Variants in KCNG2 observed in about 807,000 individuals in gnomAD.
KCNG2 encodes the protein voltage-gated potassium channel regulatory subunit KCNG2.
KCNG2 carries 7 observed loss-of-function variants against 12.3 expected under a neutral mutation model. The observed-to-expected ratio is 0.57, with a 90% CI of 0.32 to 1.07. The LOEUF is 1.07. Among genes scored for constraint, KCNG2 ranks in the 50% least tolerant of loss-of-function variants. The pLI is 0.04. For synonymous variants in KCNG2, 414 were observed against 351.4 expected, an observed-to-expected ratio of 1.18 and a Z score of -1.99; for missense variants, 703 against 726.0, an observed-to-expected ratio of 0.97 and a Z score of 0.36.
At chr18:79,852,109 C>T (rs1978845087) in intron 1 of KCNG2, among the ~76,000 whole-genome samples, 1 of 152,162 alleles carries the variant, frequency 6.6e-6, no homozygotes, top group African/African-American at 2.4e-5. Flanking sequence ...CGTTAGACAT[C>T]CTGTGAGGAC....
At chr18:79,850,805 A>G (rs1053025162) in intron 1 of KCNG2, among the ~76,000 whole-genome samples, 1 of 152,242 alleles carries the variant, frequency 6.6e-6, no homozygotes, top group Non-Finnish European at 1.5e-5. Context: ...GTTTCTTTGT[A>G]TAAAACTAAG....
chr18:79,828,682 C>T (rs970865970), intron 1 of KCNG2, among the ~76,000 whole-genome samples: 11 of 149,096 alleles, frequency 7.4e-5, no homozygotes, highest in African/African-American at 5.0e-5. Context: ...TCTATGTGTG[C>T]GTGTGTCCGT....
intron 3 of KCNG2, among the ~76,000 whole-genome samples, chr18:79,866,103 G>GAA (rs1979520494): frequency 6.7e-6 from 1 of 148,438 alleles, no homozygotes; most frequent in African/African-American, 2.5e-5. Context: ...TGTGTTCTGA[G>GAA]GTCTGGGTGC....
Position 79,899,330 on chromosome 18 carries a change from G to A in KCNG2, c.915G>A (p.Ser305=), listed in dbSNP as rs765918989. ...VLYVMRLARH[S]LGLRSLGLTM... ...ACGTGATGCGCCTGGCGCGCCACTC[G>A]CTGGGGCTGCGTTCGCTGGGCCTGA... Residue 305 remains serine (S), a synonymous_variant, in exon 4 of 4, where the codon TCG becomes TCA. Coordinates refer to ENST00000316249, the MANE Select transcript of KCNG2 (RefSeq NM_012283.2). The A allele has an allele frequency of 6.4e-6, 10 of 1,551,532 alleles. No individual in the cohort carries two copies. The highest frequency in any genetic ancestry group is 4.2e-5 in the African/African-American group (3 of 71,926).
At chr18:79,835,118 C>A (rs1978316692) in intron 1 of KCNG2, among the ~76,000 whole-genome samples, 1 of 152,210 alleles carries the variant, frequency 6.6e-6, no homozygotes, top group African/African-American at 2.4e-5. Flanking sequence ...AGCCCTCCCT[C>A]ACCATGGATG....
At chr18:79,819,598 T>C (rs2087556009) in intron 1 of KCNG2, among the ~76,000 whole-genome samples, 1 of 152,200 alleles carries the variant, frequency 6.6e-6, no homozygotes, top group Non-Finnish European at 1.5e-5. Context: ...TCCCTACAGG[T>C]GAGCTGAGCG....
At chr18:79,885,369 G>A (rs1350129078) in intron 3 of KCNG2, among the ~76,000 whole-genome samples, 1 of 152,164 alleles carries the variant, frequency 6.6e-6, no homozygotes, top group Admixed American at 6.5e-5. Flanking sequence ...GATCAATCAG[G>A]GTCTGTTTTC....
chr18:79,843,929 T>C (rs1250488119), intron 1 of KCNG2, among the ~76,000 whole-genome samples: 2 of 152,088 alleles, frequency 1.3e-5, no homozygotes, highest in East Asian at 3.9e-4. Flanking sequence ...TCAAAAGACA[T>C]AGAATCACTG....
intron 1 of KCNG2, among the ~76,000 whole-genome samples, chr18:79,841,958 C>T (rs766986680): frequency 6.6e-6 from 1 of 152,174 alleles, no homozygotes. Context: ...GAGAACGAAG[C>T]GAGCACTCAA....
At chr18:79,883,334 G>A (rs992106641) in intron 3 of KCNG2, among the ~76,000 whole-genome samples, 3 of 152,220 alleles carry the variant, frequency 2.0e-5, no homozygotes, top group African/African-American at 7.2e-5. Flanking sequence ...TTTCGCGGTA[G>A]TGGTGGTTCC....
rs779090577 is a variant in KCNG2, at chr18:79,899,811, C to T, written c.1396C>T (p.Arg466Cys). The T allele has an allele frequency of 5.5e-5, 76 of 1,391,012 alleles. No homozygotes were observed. Among genetic ancestry groups the T allele is most frequent in the Non-Finnish European group, 6.9e-5 (74 of 1,079,470 alleles). The allele number at this position is 1,391,012 out of a possible 1,614,324, so 86.2% of individuals were successfully genotyped here. Residue 466 changes from arginine to cysteine, a missense_variant, in exon 4 of 4, where the codon CGC (arginine) becomes TGC (cysteine). Coordinates refer to ENST00000316249, the MANE Select transcript of KCNG2 (RefSeq NM_012283.2). ...SADALWVRAG[R>C] is the part of the protein sequence containing the mutation. ...GGATGCGCTGTGGGTGCGGGCAGGGCGCTGACGCCTGCGCCGCCCACACGG... is the reference window on the plus strand; with the variant it reads ...GGATGCGCTGTGGGTGCGGGCAGGGTGCTGACGCCTGCGCCGCCCACACGG...
At chr18:79,826,131 C>T (rs1040673349) in intron 1 of KCNG2, among the ~76,000 whole-genome samples, 1 of 152,282 alleles carries the variant, frequency 6.6e-6, no homozygotes, top group Admixed American at 6.5e-5. Context: ...ACAGGAAGGG[C>T]CGGGAGCTCT....
intron 2 of KCNG2, among the ~76,000 whole-genome samples, chr18:79,863,211 G>A (rs1467310671): frequency 1.3e-5 from 2 of 152,230 alleles, no homozygotes; most frequent in African/African-American, 4.8e-5. Context: ...TGGCTGGTCC[G>A]CGGGACACAC....
chr18:79,860,297 G>C (rs1979165278), intron 2 of KCNG2, among the ~76,000 whole-genome samples: 1 of 152,164 alleles, frequency 6.6e-6, no homozygotes, highest in African/African-American at 2.4e-5. Context: ...TGTTCAACTT[G>C]TCAATGTCTT....
intron 1 of KCNG2, among the ~76,000 whole-genome samples, chr18:79,830,870 G>T (rs564387): frequency 0.063 from 7,712 of 122,336 alleles, 58 homozygotes; most frequent in Non-Finnish European, 0.1. Flanking sequence ...CGTCAGGAGG[G>T]TTCCCTGCAT....
At chr18:79,859,064 A>G (rs1431993187) in intron 2 of KCNG2, among the ~76,000 whole-genome samples, 3 of 152,010 alleles carry the variant, frequency 2.0e-5, no homozygotes, top group Non-Finnish European at 4.4e-5. Flanking sequence ...CAAGAGTTTC[A>G]TTGGAATGAA....
chr18:79,829,557 CGGTCCGTCTCTGCCTCCCTATGGCT>C (rs1389180786), intron 1 of KCNG2, among the ~76,000 whole-genome samples: 17 of 152,048 alleles, frequency 1.1e-4, no homozygotes, highest in Non-Finnish European at 2.2e-4. Context: ...TGCCTCACAT[CGGTCCGTCTCTGCCTCCCTATGGCT>C]GGTCAGTCTC....
intron 3 of KCNG2, among the ~76,000 whole-genome samples, chr18:79,868,482 A>C (rs1979700256): frequency 6.6e-6 from 1 of 152,194 alleles, no homozygotes. Flanking sequence ...GACTGACCGA[A>C]GGTCTTTTTC....
rs536360384 is a variant in KCNG2, at chr18:79,833,582, G to A, written c.-114-22797G>A. On this transcript the variant is annotated intron_variant, in intron 1 of 3. Transcript: ENST00000316249. ...AGTATAAGTTCATAGAACAAAACCT[G>A]CAAGTTTATAGAACAAAGCCCAAAT... 9.2e-5 allele frequency among the ~76,000 whole-genome samples: 14 copies of A among 152,338 alleles called. No individual in the cohort carries two copies. The East Asian group carries it at 2.5e-3, about 27-fold the overall frequency.
Sources: allele counts gnomAD v4.1 joint callset (sites outside exome capture counted in the v4.1 genomes callset), GRCh38; gene constraint gnomAD v4.1.1; transcripts MANE v1.5; gene names NCBI Gene and HGNC (gene_info 2026-07-23, HGNC 2026-07-21).